Variants in CRISPLD2 observed in about 807,000 individuals in gnomAD.
CRISPLD2 encodes cysteine rich secretory protein LCCL domain containing 2.
Under a neutral mutation model 71.1 loss-of-function variants are expected in CRISPLD2, and 47 were observed. The ratio of observed to expected loss-of-function variants is 0.66; its 90% CI spans 0.52 to 0.84. The LOEUF is 0.84. CRISPLD2 is among the 40% of genes least tolerant of loss of function. CRISPLD2 has a pLI of 0.00. For missense variants in CRISPLD2, 830 were observed against 651.1 expected (o/e 1.27, Z -2.99); for synonymous variants, 317 against 250.1 (o/e 1.27, Z -2.52).
intron 7 of CRISPLD2, 81 bp downstream of exon 7, chr16:84,867,121 G>C (rs1166872669): frequency 6.9e-7 from 1 of 1,459,116 alleles, no homozygotes; most frequent in Admixed American, 2.0e-5. Flanking sequence ...AGGGGAGCTA[G>C]TGGATTTAGG....
chr16:84,825,913 C>T (rs1391048752), intron 1 of CRISPLD2, among the ~76,000 whole-genome samples: 2 of 151,812 alleles, frequency 1.3e-5, no homozygotes, highest in Non-Finnish European at 2.9e-5. Context: ...GCAGTGTTCA[C>T]GCCACGGCAC....
chr16:84,820,180 C>T (rs540865253), intron 1 of CRISPLD2, 47 bp downstream of exon 1: 2 of 152,214 alleles, frequency 1.3e-5, no homozygotes, highest in African/African-American at 2.4e-5. Flanking sequence ...TGTTACCCCC[C>T]CGAGAAGCTG....
intron 5 of CRISPLD2, among the ~76,000 whole-genome samples, chr16:84,852,647 G>A (rs1917121690): frequency 6.6e-6 from 1 of 152,176 alleles, no homozygotes; most frequent in South Asian, 2.1e-4. Flanking sequence ...GGGTGGCTGG[G>A]AGGGTGAGTT....
At chr16:84,862,183 G>A (rs1306736949) in intron 6 of CRISPLD2, among the ~76,000 whole-genome samples, 2 of 151,992 alleles carry the variant, frequency 1.3e-5, no homozygotes, top group African/African-American at 4.8e-5. Context: ...TGGAGCTGTT[G>A]GGGCGGTGCG....
chr16:84,871,140 C>G (rs1339583822), intron 8 of CRISPLD2, among the ~76,000 whole-genome samples: 1 of 152,180 alleles, frequency 6.6e-6, no homozygotes, highest in African/African-American at 2.4e-5. Context: ...TATATATTTA[C>G]AAGGGAAGCT....
At chr16:84,877,816 CT>C (rs1361428653) in intron 12 of CRISPLD2, among the ~76,000 whole-genome samples, 11 of 152,022 alleles carry the variant, frequency 7.2e-5, no homozygotes, top group Admixed American at 1.3e-4. Flanking sequence ...CGCCATTGTC[CT>C]CCAGCCTGGG....
At position 84,858,091 on chromosome 16, in the gene CRISPLD2, T is replaced by C. The variant is rs564204854; in HGVS notation, c.709+3262T>C. Among the ~76,000 whole-genome samples, 49 of 152,294 alleles carry C rather than the reference T, an allele frequency of 3.2e-4. 1 individual carries two copies. The South Asian group carries it at 7.5e-3, about 23-fold the overall frequency. On this transcript the variant is annotated intron_variant, in intron 6 of 14. Transcript: ENST00000262424. ...GTTATCTGCAGAAGATGGCAGGGCC[T>C]TACTCCAAAATCCTAGAGGCCTCTG...
chr16:84,903,879 G>A (rs752704954), intron 14 of CRISPLD2, among the ~76,000 whole-genome samples: 1 of 152,230 alleles, frequency 6.6e-6, no homozygotes, highest in Non-Finnish European at 1.5e-5. Flanking sequence ...TGTGGTGTCT[G>A]AGCCTGGGAC....
chr16:84,873,212 C>T (rs545018422), intron 10 of CRISPLD2, 90 bp downstream of exon 10: 22 of 1,483,060 alleles, frequency 1.5e-5, no homozygotes, highest in Admixed American at 7.8e-5. Context: ...ACAGGCCGGG[C>T]GTGGTGGCTC....
intron 3 of CRISPLD2, 158 bp downstream of exon 3, chr16:84,846,062 C>T: frequency 1.7e-6 from 1 of 571,608 alleles, no homozygotes; most frequent in Non-Finnish European, 3.1e-6. Flanking sequence ...CATCCAGGAA[C>T]ACTCCTGAGT....
In CRISPLD2 at chr16:84,904,165, G is replaced by C. The variant is rs1019717691; in HGVS notation, c.1440-2423G>C. 3.3e-5 allele frequency among the ~76,000 whole-genome samples: 5 copies of C among 152,200 alleles called. No homozygotes were observed. In the South Asian group the frequency reaches 1.0e-3, roughly 32 times the overall value. The stretch of plus-strand genomic sequence containing the variant: ...CCCAGGCGTCCCTGGTGTTCTAGAA[G>C]GCTGTGCCCACAGCAAGAGGAGCAA... On this transcript the variant is annotated intron_variant, in intron 14 of 14. Coordinates refer to ENST00000262424, the MANE Select transcript of CRISPLD2 (RefSeq NM_031476.4).
At chr16:84,842,315 C>T (rs1215539042) in intron 2 of CRISPLD2, 2 of 146,562 alleles carry the variant, frequency 1.4e-5, no homozygotes, top group Non-Finnish European at 3.0e-5. Flanking sequence ...TGCCTGCCCG[C>T]CCTCCGTCCC....
intron 1 of CRISPLD2, among the ~76,000 whole-genome samples, chr16:84,833,057 G>C (rs1916525862): frequency 6.6e-6 from 1 of 152,184 alleles, no homozygotes; most frequent in Non-Finnish European, 1.5e-5. Flanking sequence ...TCAAGTCTTG[G>C]TTTCACTTTA....
At chr16:84,882,371 A>AT (rs368239840) in intron 13 of CRISPLD2, among the ~76,000 whole-genome samples, 14,514 of 113,180 alleles carry the variant, frequency 0.13, 754 homozygotes, top group Admixed American at 0.19. Flanking sequence ...AAAAAAAAAA[A>AT]GCAAGAACTT....
chr16:84,837,430 TTTC>T (rs1256910178), intron 1 of CRISPLD2, among the ~76,000 whole-genome samples: 11 of 123,224 alleles, frequency 8.9e-5, no homozygotes, highest in Admixed American at 1.6e-4. Flanking sequence ...TTTTTTTTTT[TTTC>T]TGAGACGGAG....
intron 13 of CRISPLD2, among the ~76,000 whole-genome samples, chr16:84,884,023 T>G (rs2071590690): frequency 6.6e-6 from 1 of 152,000 alleles, no homozygotes; most frequent in Non-Finnish European, 1.5e-5. Context: ...CTTTGTATTT[T>G]TAGTAGAGAC....
chr16:84,901,698 G>A (rs1224193959), intron 14 of CRISPLD2, among the ~76,000 whole-genome samples: 3 of 148,938 alleles, frequency 2.0e-5, no homozygotes, highest in Admixed American at 6.7e-5. Flanking sequence ...GGCTGGTCTT[G>A]AACTCCTGAC....
chr16:84,882,363 A>G (rs1369566584), intron 13 of CRISPLD2, among the ~76,000 whole-genome samples: 12 of 149,412 alleles, frequency 8.0e-5, no homozygotes, highest in East Asian at 2.0e-4. Flanking sequence ...AAAAAAAAAA[A>G]AAAAAAAAGC....
At chr16:84,838,340 G>A in intron 1 of CRISPLD2, 82 bp from the exon 2 acceptor site, 1 of 824,286 alleles carries the variant, frequency 1.2e-6, no homozygotes, top group Non-Finnish European at 1.9e-6. Flanking sequence ...AGAGTCGTGT[G>A]TGCTGCGTTC....
Sources: allele counts gnomAD v4.1 joint callset (sites outside exome capture counted in the v4.1 genomes callset), GRCh38; gene constraint gnomAD v4.1.1; transcripts MANE v1.5; gene names NCBI Gene and HGNC (gene_info 2026-07-23, HGNC 2026-07-21).